CABIN1: variants seen among roughly 807,000 people sequenced by gnomAD.
The protein encoded by CABIN1 is calcineurin-binding protein cabin-1.
CABIN1 carries 133 observed loss-of-function variants against 227.7 expected under a neutral mutation model. The ratio of observed to expected loss-of-function variants is 0.58; its 90% CI spans 0.51 to 0.67. The LOEUF (loss-of-function observed/expected upper bound fraction) is 0.67, where lower values mean the gene tolerates loss of function less well. CABIN1 is among the 30% of genes least tolerant of loss of function. The pLI is 0.00. For missense variants in CABIN1, 2,408 were observed against 2,852.5 expected, an observed-to-expected ratio of 0.84 and a Z score of 3.55; for synonymous variants, 1,086 against 1,155.1, an observed-to-expected ratio of 0.94 and a Z score of 1.21.
intron 22 of CABIN1, among the ~76,000 whole-genome samples, chr22:24,085,784 G>A (rs372217152): frequency 1.3e-5 from 2 of 152,208 alleles, no homozygotes; most frequent in East Asian, 3.9e-4. Context: ...ACTTGATTAA[G>A]AGGGAATATT....
chr22:24,139,238 G>C (rs1334014849), intron 29 of CABIN1, among the ~76,000 whole-genome samples: 1 of 152,122 alleles, frequency 6.6e-6, no homozygotes, highest in Non-Finnish European at 1.5e-5. Context: ...TCTTTTTCTG[G>C]GTCTGTGTGT....
intron 1 of CABIN1, among the ~76,000 whole-genome samples, chr22:24,027,785 C>T (rs2036203026): frequency 1.3e-5 from 2 of 152,214 alleles, no homozygotes; most frequent in Non-Finnish European, 2.9e-5. Flanking sequence ...CTGGCACTGG[C>T]GCCATGCTCT....
intron 12 of CABIN1, among the ~76,000 whole-genome samples, chr22:24,061,683 A>C (rs1345615801): frequency 1.3e-5 from 2 of 152,210 alleles, no homozygotes; most frequent in Non-Finnish European, 2.9e-5. Context: ...TTGGCAGGTG[A>C]CAGGGCTGCC....
intron 17 of CABIN1, chr22:24,071,269 C>T: frequency 1.7e-6 from 1 of 598,488 alleles, no homozygotes; most frequent in South Asian, 1.9e-5. Flanking sequence ...GCACTTGGTG[C>T]CATGGGGTTC....
At chr22:24,175,758 G>T in intron 34 of CABIN1, 1 of 414,278 alleles carries the variant, frequency 2.4e-6, no homozygotes, top group South Asian at 2.3e-5. Context: ...GTGAGCTGGA[G>T]GGAGAGTGGA....
Position 24,044,322 on chromosome 22 carries a change from T to C in CABIN1, c.526+1238T>C, listed in dbSNP as rs373905008. On this transcript the variant is annotated intron_variant, in intron 6 of 36. Transcript: ENST00000263119. ...ATATTCTTGACTTTCTTTCATTCTT[T>C]CTCATTTTTTTTCTGTTCCCGTTAG... Among the ~76,000 whole-genome samples, 91 of 152,300 alleles carry C rather than the reference T, an allele frequency of 6.0e-4. 1 individual carries two copies. The South Asian group carries it at 0.018, about 30-fold the overall frequency.
intron 29 of CABIN1, among the ~76,000 whole-genome samples, chr22:24,150,123 G>T (rs1318702933): frequency 6.6e-6 from 1 of 152,222 alleles, no homozygotes; most frequent in Admixed American, 6.5e-5. Flanking sequence ...TGTGCTTCGG[G>T]AAACAGTGGT....
chr22:24,119,332 C>T lies in CABIN1; in HGVS notation c.4301-35C>T, dbSNP rs780718274. 17 of 1,586,714 alleles carry T rather than the reference C, an allele frequency of 1.1e-5. No individual in the cohort carries two copies. The East Asian group carries it at 3.8e-4, about 35-fold the overall frequency. ...CCACTGCATGGACAGGGCCTAAAAC[C>T]AGGGTGACTTTCTTTCCCTTCTTCT... is the stretch of plus-strand genomic sequence containing the variant. On this transcript the variant is annotated intron_variant, in intron 27 of 36. Coordinates refer to ENST00000263119, the MANE Select transcript of CABIN1 (RefSeq NM_012295.4).
Position 24,120,781 on chromosome 22 carries a change from T to C in CABIN1, c.4632+1083T>C, listed in dbSNP as rs939420793. 9.2e-5 allele frequency among the ~76,000 whole-genome samples: 14 copies of C among 152,232 alleles called. No individual in the cohort carries two copies. In the South Asian group the frequency reaches 1.0e-3, roughly 11 times the overall value. On this transcript the variant is annotated intron_variant, in intron 28 of 36. Transcript: ENST00000263119. ...TGAGCCAAGATTGGGCCACTGCACT[T>C]CAGCCTGGGCAACAGAGCGAGACTC...
At chr22:24,040,232 C>T (rs903386949) in intron 4 of CABIN1, among the ~76,000 whole-genome samples, 3 of 152,138 alleles carry the variant, frequency 2.0e-5, no homozygotes, top group Admixed American at 6.6e-5. Context: ...AGTCAGATGA[C>T]GGTAGAAGAT....
chr22:24,091,876 G>A, intron 24 of CABIN1, 33 bp downstream of exon 24: 1 of 1,608,516 alleles, frequency 6.2e-7, no homozygotes, highest in East Asian at 2.2e-5. Flanking sequence ...CGGGGAAGCA[G>A]GGCAGGGGCA....
chr22:24,060,186 G>T (rs747004017), intron 12 of CABIN1, 45 bp downstream of exon 12: 1 of 1,552,702 alleles, frequency 6.4e-7, no homozygotes, highest in East Asian at 2.3e-5. Context: ...TGGGACCAGG[G>T]CATGGGGACA....
intron 31 of CABIN1, among the ~76,000 whole-genome samples, chr22:24,166,157 T>C (rs558770233): frequency 6.6e-6 from 1 of 152,350 alleles, no homozygotes; most frequent in East Asian, 1.9e-4. Flanking sequence ...AACTTGAGGC[T>C]GTTGGGGAGG....
chr22:24,067,036 T>C lies in CABIN1; in HGVS notation c.2087T>C (p.Ile696Thr), dbSNP rs1248730244. Residue 696 changes from isoleucine to threonine, a missense_variant, in exon 16 of 37, where the codon ATT becomes ACT. This residue lies in a region of CABIN1 where 1,045 missense variants were observed against 1,168.4 expected (regional missense o/e 0.89). Coordinates refer to ENST00000263119, the MANE Select transcript of CABIN1 (RefSeq NM_012295.4). ...SLERCQSLEE[I>T]QRLYEAGDYK... ...GAGCGGTGCCAGTCCCTGGAGGAGA[T>C]TCAGCGGCTGTATGAAGCAGGCGAC... 2 of 1,614,204 alleles carry C rather than the reference T, an allele frequency of 1.2e-6. No individual in the cohort carries two copies. Among genetic ancestry groups the C allele is most frequent in the South Asian group, 2.2e-5 (2 of 91,084 alleles).
chr22:24,080,815 A>G (rs184488910), intron 19 of CABIN1, among the ~76,000 whole-genome samples: 128 of 152,240 alleles, frequency 8.4e-4, no homozygotes, highest in African/African-American at 2.9e-3. Flanking sequence ...TATTGCTTCT[A>G]TTAATTTTAG....
rs772685458 is a variant in CABIN1 at position 24,038,350 on chromosome 22, A to G, written c.99A>G (p.Glu33=). ...SHKTQTKEAQ[E]AEAFALYHKA... ...ACATCTCTTGTCTTGATTTGCAGGA[A>G]GCAGAGGCTTTTGCATTGTACCACA... The change falls in exon 4 of 37, where the codon GAA becomes GAG. Residue 33 remains glutamate, a splice_region_variant and synonymous_variant. Coordinates refer to ENST00000263119, the MANE Select transcript of CABIN1 (RefSeq NM_012295.4). 2 of 1,612,542 alleles carry G rather than the reference A, an allele frequency of 1.2e-6. No individual in the cohort carries two copies. Among genetic ancestry groups the G allele is most frequent in the Non-Finnish European group, 8.5e-7 (1 of 1,178,536 alleles).
In CABIN1 at chr22:24,177,227, C is replaced by A. The variant is rs1184550681; in HGVS notation, c.6206-277C>A. On this transcript the variant is annotated intron_variant, in intron 35 of 36. Coordinates refer to ENST00000263119, the MANE Select transcript of CABIN1 (RefSeq NM_012295.4). This position sits in a 1 kb window ranked among gnomAD's most constrained non-coding sequence, Gnocchi z 4.4. ...ATGATGCCTGGAGGTCTTACAGAAC[C>A]CAGCAAGGCTCAGGGAGTCTCAGGT... 6.6e-6 allele frequency among the ~76,000 whole-genome samples: 1 copy of A among 152,176 alleles called. No homozygotes were observed. Among genetic ancestry groups the A allele is most frequent in the Non-Finnish European group, 1.5e-5 (1 of 68,020 alleles).
Position 24,038,205 on chromosome 22 carries a change from T to A in CABIN1, c.97-143T>A, listed in dbSNP as rs139228653. 6.3e-3 allele frequency: 4,276 copies of A among 674,420 alleles called. 20 individuals carry two copies. Among genetic ancestry groups the A allele is most frequent in the Non-Finnish European group, 9.7e-3 (3,537 of 365,222 alleles). 41.8% of individuals were successfully genotyped at this position (674,420 alleles called of 1,614,324 possible). On this transcript the variant is annotated intron_variant, in intron 3 of 36. Transcript: ENST00000263119. ...CCAGCCTCTCTTCCCTTCCTGGAAG[T>A]TGGGAGGTGGGGGAGCTGAAAGTTC...
intron 3 of CABIN1, among the ~76,000 whole-genome samples, chr22:24,037,121 G>A (rs1305989840): frequency 3.3e-5 from 5 of 152,038 alleles, no homozygotes; most frequent in African/African-American, 9.7e-5. Flanking sequence ...TTAGCTGGGC[G>A]TGGTGGTGCA....
Sources: gnomAD v4.1 joint callset for allele counts (sites outside exome capture counted in the v4.1 genomes callset) on GRCh38, gnomAD v4.1.1 for gene constraint, gnomAD v4.1.1 regional missense constraint, Gnocchi (gnomAD v3.1) non-coding constraint, MANE v1.5 for transcripts, NCBI Gene and HGNC (gene_info 2026-07-23, HGNC 2026-07-21) for gene names.